The following BBS9 variants were observed in gnomAD, a reference collection of about 807,000 sequenced individuals.
The protein encoded by BBS9 is Bardet-Biedl syndrome 9.
In BBS9, 89 loss-of-function variants were observed where a neutral mutation model predicts 117.7. The ratio of observed to expected loss-of-function variants is 0.76; its 90% CI spans 0.64 to 0.90. The LOEUF (loss-of-function observed/expected upper bound fraction) is 0.90. Ranked by LOEUF, BBS9 falls within the 40% of genes least tolerant of loss-of-function variation. The probability of loss-of-function intolerance (pLI) is 0.00; values close to 1 mark genes in which losing one functional copy is unlikely to be tolerated. For missense variants in BBS9, 982 were observed against 1,042.2 expected, an observed-to-expected ratio of 0.94 and a Z score of 0.80; for synonymous variants, 379 against 370.9, an observed-to-expected ratio of 1.02 and a Z score of -0.25.
intron 19 of BBS9, among the ~76,000 whole-genome samples, chr7:33,405,009 G>A (rs1829654927): frequency 6.6e-6 from 1 of 152,126 alleles, no homozygotes; most frequent in Admixed American, 6.6e-5. Flanking sequence ...ATTATTTTGA[G>A]ATATGTCCCA....
At chr7:33,162,773 A>G (rs899015674) in intron 4 of BBS9, among the ~76,000 whole-genome samples, 1 of 152,126 alleles carries the variant, frequency 6.6e-6, no homozygotes, top group African/African-American at 2.4e-5. Context: ...TGTCATTTGC[A>G]CACAGGGACA....
At chr7:33,533,406 T>C (rs1456196563) in intron 20 of BBS9, among the ~76,000 whole-genome samples, 3 of 152,174 alleles carry the variant, frequency 2.0e-5, no homozygotes, top group Non-Finnish European at 4.4e-5. Context: ...ACGATCCTTC[T>C]TGCAATAGCT....
intron 5 of BBS9, among the ~76,000 whole-genome samples, chr7:33,228,261 C>G (rs906644925): frequency 6.6e-5 from 10 of 151,978 alleles, no homozygotes; most frequent in African/African-American, 2.2e-4. Context: ...TGTTTGTTGA[C>G]TGTTTGTATA....
Position 33,598,761 on chromosome 7 carries a change from A to G in BBS9, c.2522-6104A>G, listed in dbSNP as rs546452723. 2.1e-3 allele frequency among the ~76,000 whole-genome samples: 319 copies of G among 152,316 alleles called. 1 individual carries two copies. Among genetic ancestry groups the G allele is most frequent in the Middle Eastern group, 6.8e-3 (2 of 294 alleles). On this transcript the variant is annotated intron_variant, in intron 21 of 22. Transcript: ENST00000242067. ...CTTTCAAACTTATGATAATAACACC[A>G]TAGGATATTCTGGTAGTAGTATTGT...
chr7:33,447,660 T>C (rs1029629110), intron 19 of BBS9, among the ~76,000 whole-genome samples: 3 of 152,230 alleles, frequency 2.0e-5, no homozygotes, highest in African/African-American at 7.2e-5. Context: ...ATTTGATGCC[T>C]GCGGAATGAT....
chr7:33,545,645 A>G (rs1034612093), intron 21 of BBS9, among the ~76,000 whole-genome samples: 7 of 151,938 alleles, frequency 4.6e-5, no homozygotes, highest in Non-Finnish European at 8.8e-5. Context: ...AAAATTCACA[A>G]TGCAAGCCTC....
In BBS9 at chr7:33,402,671, T is replaced by C. The variant is rs527906955; in HGVS notation, c.2115+14527T>C. On this transcript the variant is annotated intron_variant, in intron 19 of 22. Transcript: ENST00000242067. ...AGGTTCATCTATCAGTTTTCCTCAG[T>C]GGTTGCTCCTTTTTATTTTATTTCC... Among the ~76,000 whole-genome samples, 10 of 152,364 alleles carry C rather than the reference T, an allele frequency of 6.6e-5. No individual in the cohort carries two copies. The South Asian group carries it at 1.0e-3, about 16-fold the overall frequency.
intron 21 of BBS9, among the ~76,000 whole-genome samples, chr7:33,569,684 C>T (rs1857469778): frequency 6.6e-6 from 1 of 151,992 alleles, no homozygotes; most frequent in Non-Finnish European, 1.5e-5. Context: ...ATGGCGTGAA[C>T]CCGGGAGGAG....
intron 21 of BBS9, among the ~76,000 whole-genome samples, chr7:33,616,422 A>T (rs1454431876): frequency 6.7e-6 from 1 of 149,648 alleles, no homozygotes; most frequent in East Asian, 1.9e-4. Flanking sequence ...TGTATTGTAG[A>T]TATACTAGGG....
At chr7:33,175,810 G>A (rs1311510857) in intron 4 of BBS9, among the ~76,000 whole-genome samples, 1 of 152,158 alleles carries the variant, frequency 6.6e-6, no homozygotes, top group Non-Finnish European at 1.5e-5. Flanking sequence ...AAAACAAGCA[G>A]AAATTTATTA....
intron 21 of BBS9, among the ~76,000 whole-genome samples, chr7:33,571,792 A>T (rs977695226): frequency 1.3e-5 from 2 of 152,044 alleles, no homozygotes; most frequent in African/African-American, 4.8e-5. Flanking sequence ...ATAAATGTTT[A>T]ATTTTTACAT....
intron 19 of BBS9, among the ~76,000 whole-genome samples, chr7:33,473,069 C>T (rs1841286968): frequency 6.6e-6 from 1 of 152,130 alleles, no homozygotes; most frequent in African/African-American, 2.4e-5. Context: ...ATGGATTCTT[C>T]TTTGAACTTG....
At chr7:33,623,998 A>AAAAT (rs1554279550) in intron 21 of BBS9, among the ~76,000 whole-genome samples, 4 of 150,932 alleles carry the variant, frequency 2.7e-5, no homozygotes, top group East Asian at 3.9e-4. Context: ...AAAAAAAAAA[A>AAAAT]TCATATAAGT....
At chr7:33,451,648 T>C (rs926889215) in intron 19 of BBS9, among the ~76,000 whole-genome samples, 1 of 152,218 alleles carries the variant, frequency 6.6e-6, no homozygotes, top group African/African-American at 2.4e-5. Context: ...AGCTTTGTTC[T>C]GTCTCACTGT....
At chr7:33,218,779 T>C (rs534473664) in intron 5 of BBS9, among the ~76,000 whole-genome samples, 2 of 152,380 alleles carry the variant, frequency 1.3e-5, no homozygotes, top group South Asian at 2.1e-4. Flanking sequence ...TCAACTGTTA[T>C]CAGTTGAAGG....
chr7:33,484,864 T>C (rs1350204925), intron 19 of BBS9, among the ~76,000 whole-genome samples: 1 of 152,162 alleles, frequency 6.6e-6, no homozygotes, highest in African/African-American at 2.4e-5. Context: ...TGCAGCACTA[T>C]TCACAACAGC....
At chr7:33,319,043 A>G (rs201312577) in intron 9 of BBS9, among the ~76,000 whole-genome samples, 4 of 151,992 alleles carry the variant, frequency 2.6e-5, no homozygotes, top group Non-Finnish European at 5.9e-5. Flanking sequence ...GGCACCTGTA[A>G]TCCCAGCTAC....
chr7:33,417,331 ATACTC>A (rs1176704336), intron 19 of BBS9, among the ~76,000 whole-genome samples: 2 of 152,186 alleles, frequency 1.3e-5, no homozygotes, highest in East Asian at 1.9e-4. Flanking sequence ...GTGGGCTTGA[ATACTC>A]TACTAATAGA....
chr7:33,455,946 A>T (rs1838600580), intron 19 of BBS9, among the ~76,000 whole-genome samples: 2 of 152,212 alleles, frequency 1.3e-5, no homozygotes, highest in Admixed American at 1.3e-4. Flanking sequence ...TTTGATAACA[A>T]GCAATTTCAG....
Sources: allele counts gnomAD v4.1 joint callset (sites outside exome capture counted in the v4.1 genomes callset), GRCh38; gene constraint gnomAD v4.1.1; transcripts MANE v1.5; gene names NCBI Gene and HGNC (gene_info 2026-07-23, HGNC 2026-07-21).